Variants in MEI4 observed in about 807,000 individuals in gnomAD.
MEI4 encodes the protein meiosis-specific protein MEI4.
MEI4 carries 27 observed loss-of-function variants against 31.4 expected under a neutral mutation model. The ratio of observed to expected loss-of-function variants is 0.86; its 90% CI spans 0.63 to 1.19. The LOEUF is 1.19. Ranked by LOEUF, MEI4 falls within the 50% of genes most tolerant of loss-of-function variation. The probability of loss-of-function intolerance (pLI) is 0.00; values close to 1 mark genes in which losing one functional copy is unlikely to be tolerated. For synonymous variants in MEI4, 122 were observed against 145.4 expected (o/e 0.84, Z 1.16); for missense variants, 329 against 398.9 (o/e 0.82, Z 1.49).
chr6:77,794,241 A>G (rs1769017350), intron 3 of MEI4, among the ~76,000 whole-genome samples: 1 of 152,192 alleles, frequency 6.6e-6, no homozygotes, highest in Non-Finnish European at 1.5e-5. Context: ...AGTTCCTTCA[A>G]GAGGAAATGA....
intron 4 of MEI4, among the ~76,000 whole-genome samples, chr6:77,867,473 T>C (rs943397804): frequency 6.6e-5 from 10 of 152,178 alleles, no homozygotes; most frequent in East Asian, 1.9e-4. Flanking sequence ...AAAATGCTCA[T>C]CATCACTGGC....
At chr6:77,850,723 T>C (rs1365408456) in intron 4 of MEI4, among the ~76,000 whole-genome samples, 1 of 152,172 alleles carries the variant, frequency 6.6e-6, no homozygotes, top group African/African-American at 2.4e-5. Flanking sequence ...GACATAGGCA[T>C]GGGCAAGGAC....
intron 4 of MEI4, among the ~76,000 whole-genome samples, chr6:77,842,859 C>T (rs957617198): frequency 2.0e-5 from 3 of 151,880 alleles, no homozygotes; most frequent in Non-Finnish European, 4.4e-5. Flanking sequence ...ATATAAGCTA[C>T]CAAAACTCCT....
rs189978501 is a variant in MEI4, at chr6:77,735,956, G to T, written c.233-25174G>T. On this transcript the variant is annotated intron_variant, in intron 2 of 4. Coordinates refer to ENST00000684080, the MANE Select transcript of MEI4 (RefSeq NM_001322247.2). ...CCAGTTAGGCTGCTCGGGGGTCAGG[G>T]GTCAGGGACCCACTTGAGGAGGCAG... Among the ~76,000 whole-genome samples the T allele has an allele frequency of 3.3e-3, 509 of 152,108 alleles. 5 individuals carry two copies. Among genetic ancestry groups the T allele is most frequent in the African/African-American group, 0.012 (496 of 41,412 alleles).
intron 4 of MEI4, among the ~76,000 whole-genome samples, chr6:77,913,473 T>G (rs1478937837): frequency 6.6e-6 from 1 of 152,158 alleles, no homozygotes; most frequent in Admixed American, 6.6e-5. Context: ...TACTTGTGAT[T>G]GATCTGTTAA....
At chr6:77,887,444 C>T (rs552235162) in intron 4 of MEI4, among the ~76,000 whole-genome samples, 3 of 151,826 alleles carry the variant, frequency 2.0e-5, no homozygotes, top group East Asian at 3.9e-4. Context: ...TTACAGGCAT[C>T]GCCCACCACA....
intron 3 of MEI4, among the ~76,000 whole-genome samples, chr6:77,783,116 C>T (rs192504365): frequency 5.3e-5 from 8 of 152,228 alleles, no homozygotes; most frequent in Admixed American, 2.6e-4. Context: ...GTTTTTCCTA[C>T]GTTTTGCAGT....
intron 2 of MEI4, among the ~76,000 whole-genome samples, chr6:77,730,441 T>C: frequency 6.6e-6 from 1 of 151,994 alleles, no homozygotes; most frequent in Non-Finnish European, 1.5e-5. Flanking sequence ...GGACTATGTT[T>C]TCACTATACT....
intron 3 of MEI4, among the ~76,000 whole-genome samples, chr6:77,828,513 C>T (rs1214975714): frequency 1.3e-5 from 2 of 152,016 alleles, no homozygotes; most frequent in Non-Finnish European, 2.9e-5. Context: ...TGCCCCCCTT[C>T]CATGGAAAAA....
chr6:77,869,462 G>A (rs985940038), intron 4 of MEI4, among the ~76,000 whole-genome samples: 2 of 152,058 alleles, frequency 1.3e-5, no homozygotes, highest in African/African-American at 4.8e-5. Context: ...GGGGAAATTT[G>A]TACACAGAAA....
At chr6:77,816,207 T>C (rs1769686657) in intron 3 of MEI4, among the ~76,000 whole-genome samples, 2 of 152,164 alleles carry the variant, frequency 1.3e-5, no homozygotes, top group Non-Finnish European at 2.9e-5. Flanking sequence ...TTCTAGATAC[T>C]GTCTACTCAA....
chr6:77,827,056 T>C (rs1020023344), intron 3 of MEI4, among the ~76,000 whole-genome samples: 1 of 152,046 alleles, frequency 6.6e-6, no homozygotes, highest in East Asian at 1.9e-4. Flanking sequence ...GCTACTTCTA[T>C]TGTGATTAAA....
intron 3 of MEI4, among the ~76,000 whole-genome samples, chr6:77,789,951 C>T (rs963523986): frequency 2.6e-5 from 4 of 152,090 alleles, no homozygotes; most frequent in Admixed American, 6.6e-5. Flanking sequence ...AAGACACATG[C>T]ACACGTATGT....
At chr6:77,733,308 T>G (rs9343644) in intron 2 of MEI4, among the ~76,000 whole-genome samples, 22,835 of 151,980 alleles carry the variant, frequency 0.15, 2,131 homozygotes, top group East Asian at 0.39. Context: ...TTTCAGATCC[T>G]GTTATTGGTC....
chr6:77,730,135 A>T (rs1193719630), intron 2 of MEI4, among the ~76,000 whole-genome samples: 2 of 152,092 alleles, frequency 1.3e-5, no homozygotes, highest in African/African-American at 4.8e-5. Flanking sequence ...GGGAAAGGTA[A>T]TTGGGGCTAG....
rs1766140826 is a variant in MEI4 at position 77,699,192 on chromosome 6, T to TTC, written c.232+8290_232+8291insCT. 4.2e-5 allele frequency among the ~76,000 whole-genome samples: 6 copies of TTC among 143,310 alleles called. No homozygotes were observed. The South Asian group carries it at 1.4e-3, about 32-fold the overall frequency. The allele number at this position is 143,310 out of a possible 152,430, so 94.0% of individuals were successfully genotyped here. ...GTCTAATTTTTTTTCAAAGTTTCTTTTTTTTTTTTTTTTTTGAGACGGAGT... is the reference window on the plus strand; with the variant it reads ...GTCTAATTTTTTTTCAAAGTTTCTTTTCTTTTTTTTTTTTTTTGAGACGGAGT... On this transcript the variant is annotated intron_variant, in intron 2 of 4. Coordinates refer to ENST00000684080, the MANE Select transcript of MEI4 (RefSeq NM_001322247.2).
intron 2 of MEI4, among the ~76,000 whole-genome samples, chr6:77,746,965 C>G (rs1173678780): frequency 1.3e-5 from 2 of 152,054 alleles, no homozygotes; most frequent in African/African-American, 4.8e-5. Flanking sequence ...AAAAAATTAC[C>G]CTTTTGACAT....
intron 3 of MEI4, among the ~76,000 whole-genome samples, chr6:77,784,801 T>G (rs1192977167): frequency 6.6e-6 from 1 of 152,148 alleles, no homozygotes; most frequent in Non-Finnish European, 1.5e-5. Context: ...TCCTTTTATA[T>G]CCCATGATAA....
chr6:77,762,629 G>A (rs1305777722), intron 3 of MEI4, among the ~76,000 whole-genome samples: 1 of 152,102 alleles, frequency 6.6e-6, no homozygotes, highest in Non-Finnish European at 1.5e-5. Flanking sequence ...TAGGGTTTTT[G>A]TACAGTGGAG....
Sources: gnomAD v4.1 joint callset for allele counts (sites outside exome capture counted in the v4.1 genomes callset) on GRCh38, gnomAD v4.1.1 for gene constraint, MANE v1.5 for transcripts, NCBI Gene and HGNC (gene_info 2026-07-23, HGNC 2026-07-21) for gene names.